Variants in RARB observed in about 807,000 individuals in gnomAD.
RARB encodes the protein retinoic acid receptor beta.
Under a neutral mutation model 51.9 loss-of-function variants are expected in RARB, and 17 were observed. That is an observed-to-expected ratio of 0.33 (90% CI 0.22 to 0.49). The LOEUF (loss-of-function observed/expected upper bound fraction) is 0.49. Ranked by LOEUF, RARB falls within the 20% of genes least tolerant of loss-of-function variation. RARB has a pLI of 0.99. For missense variants in RARB, 369 were observed against 550.8 expected (o/e 0.67, Z 3.30); for synonymous variants, 215 against 195.4 (o/e 1.10, Z -0.84).
intron 4 of RARB, among the ~76,000 whole-genome samples, chr3:25,157,339 A>AGT (rs1279406713): frequency 9.5e-6 from 1 of 105,500 alleles, no homozygotes; most frequent in Non-Finnish European, 1.9e-5. Flanking sequence ...CACAGTTCTG[A>AGT]GTGTGTGTGT....
rs549564356 is a variant in RARB, at chr3:25,396,143, C to T, written c.179-65050C>T. ...CTGTTATTTCTCTTCTGGGTCTAGC[C>T]ACCCAGCAGAGCTACTGGGCTCCAG... On this transcript the variant is annotated intron_variant, in intron 5 of 11. Transcript: ENST00000383772. Among the ~76,000 whole-genome samples, 5 of 152,308 alleles carry T rather than the reference C, an allele frequency of 3.3e-5. No individual in the cohort carries two copies. In the South Asian group the frequency reaches 1.0e-3, roughly 32 times the overall value.
chr3:25,586,129 TTCCTGACTCAGAGCCTTTTTACA>T (rs1418212695), intron 5 of RARB, among the ~76,000 whole-genome samples: 1 of 152,104 alleles, frequency 6.6e-6, no homozygotes, highest in Non-Finnish European at 1.5e-5. Context: ...GTCAAGCTCT[TTCCTGACTCAGAGCCTTTTTACA>T]TCCCATTCCG....
chr3:25,195,659 GA>G (rs1264867459), intron 5 of RARB, among the ~76,000 whole-genome samples: 1 of 151,936 alleles, frequency 6.6e-6, no homozygotes, highest in Non-Finnish European at 1.5e-5. Context: ...ACTTGATAGT[GA>G]ATTTTAGCTC....
At chr3:24,845,525 T>C (rs1416938360) in intron 1 of RARB, among the ~76,000 whole-genome samples, 1 of 152,216 alleles carries the variant, frequency 6.6e-6, no homozygotes, top group African/African-American at 2.4e-5. Flanking sequence ...GGGCATGTTT[T>C]CTCACATCCC....
intron 5 of RARB, among the ~76,000 whole-genome samples, chr3:25,334,476 TA>T (rs1244429561): frequency 2.6e-5 from 4 of 151,984 alleles, no homozygotes; most frequent in African/African-American, 7.3e-5. Flanking sequence ...GGGAATTGAA[TA>T]ATGAGAACAC....
intron 3 of RARB, among the ~76,000 whole-genome samples, chr3:25,504,052 G>A (rs956870274): frequency 6.6e-6 from 1 of 152,194 alleles, no homozygotes; most frequent in Non-Finnish European, 1.5e-5. Context: ...CTAGCCATAG[G>A]ACATGTCAGT....
chr3:24,905,397 G>T (rs1354754207), intron 2 of RARB, among the ~76,000 whole-genome samples: 1 of 152,170 alleles, frequency 6.6e-6, no homozygotes, highest in Non-Finnish European at 1.5e-5. Context: ...CTGCTTACTT[G>T]ACACATCTGA....
Position 25,074,044 on chromosome 3 carries a change from G to C in RARB, c.-328+13868G>C, listed in dbSNP as rs375008121. 2.6e-5 allele frequency among the ~76,000 whole-genome samples: 4 copies of C among 152,300 alleles called. No individual in the cohort carries two copies. In the South Asian group the frequency reaches 6.2e-4, roughly 24 times the overall value. ...AATATTTCTCAAGCACCTACTACGT[G>C]TCAGGCAATGTGCCATACACTGAGT... On this transcript the variant is annotated intron_variant, in intron 3 of 11. Transcript: ENST00000383772.
chr3:25,263,253 G>T (rs1169141342), intron 5 of RARB, among the ~76,000 whole-genome samples: 1 of 151,908 alleles, frequency 6.6e-6, no homozygotes, highest in African/African-American at 2.4e-5. Context: ...CCTTTTTCTT[G>T]GTACCTTCAT....
intron 3 of RARB, among the ~76,000 whole-genome samples, chr3:25,551,237 G>A (rs1699840942): frequency 6.6e-6 from 1 of 152,278 alleles, no homozygotes; most frequent in Middle Eastern, 3.4e-3. Context: ...GAATGAGTAA[G>A]GAGTCATCTG....
chr3:25,251,409 A>G (rs150317497), intron 5 of RARB, among the ~76,000 whole-genome samples: 1 of 152,166 alleles, frequency 6.6e-6, no homozygotes, highest in East Asian at 1.9e-4. Flanking sequence ...GTTGGGCCAT[A>G]TGGTAGCTGT....
chr3:25,321,007 A>G (rs1025724888), intron 5 of RARB, among the ~76,000 whole-genome samples: 3 of 152,256 alleles, frequency 2.0e-5, no homozygotes, highest in African/African-American at 7.2e-5. Context: ...TTATAGGCCT[A>G]TAAGTCCATC....
intron 2 of RARB, among the ~76,000 whole-genome samples, chr3:25,057,009 T>G (rs1458222188): frequency 6.6e-6 from 1 of 152,102 alleles, no homozygotes; most frequent in African/African-American, 2.4e-5. Flanking sequence ...TATTTCATGG[T>G]GGCACTCCCC....
intron 2 of RARB, among the ~76,000 whole-genome samples, chr3:25,499,283 C>CA (rs1165900433): frequency 2.1e-5 from 3 of 141,020 alleles, no homozygotes; most frequent in African/African-American, 9.6e-5. Flanking sequence ...TTCTGTTCAA[C>CA]ACATTTGATG....
chr3:24,956,137 C>G (rs1046676603), intron 2 of RARB, among the ~76,000 whole-genome samples: 1 of 152,080 alleles, frequency 6.6e-6, no homozygotes, highest in Non-Finnish European at 1.5e-5. Context: ...CTGAGCCTTT[C>G]CATTTTCAAA....
chr3:25,538,149 A>G (rs1015743847), intron 3 of RARB, among the ~76,000 whole-genome samples: 1 of 152,206 alleles, frequency 6.6e-6, no homozygotes, highest in African/African-American at 2.4e-5. Flanking sequence ...CACTAAGTCA[A>G]TTCAACCTTT....
intron 2 of RARB, among the ~76,000 whole-genome samples, chr3:24,943,906 T>G (rs1695720983): frequency 6.6e-6 from 1 of 152,154 alleles, no homozygotes. Flanking sequence ...TATCAAACAT[T>G]CTTGCATTTT....
chr3:25,252,321 G>A (rs1474277105), intron 5 of RARB, among the ~76,000 whole-genome samples: 1 of 151,994 alleles, frequency 6.6e-6, no homozygotes, highest in African/African-American at 2.4e-5. Flanking sequence ...AGATTGTTTT[G>A]GCTATTTGGG....
chr3:25,355,644 T>A (rs1191104888), intron 5 of RARB, among the ~76,000 whole-genome samples: 1 of 152,154 alleles, frequency 6.6e-6, no homozygotes, highest in Non-Finnish European at 1.5e-5. Context: ...AAGAGCTGCT[T>A]GTAAGTCATC....
Sources: gnomAD v4.1 joint callset for allele counts (sites outside exome capture counted in the v4.1 genomes callset) on GRCh38, gnomAD v4.1.1 for gene constraint, MANE v1.5 for transcripts, NCBI Gene and HGNC (gene_info 2026-07-23, HGNC 2026-07-21) for gene names.